PTPRS: variants seen among roughly 807,000 people sequenced by gnomAD.
The protein encoded by PTPRS is protein tyrosine phosphatase receptor type S, also known as receptor-type tyrosine-protein phosphatase S.
PTPRS carries 63 observed loss-of-function variants against 215.3 expected under a neutral mutation model. That is an observed-to-expected ratio of 0.29 (90% CI 0.24 to 0.36). PTPRS has a LOEUF of 0.36. PTPRS is among the 10% of genes least tolerant of loss of function. The pLI, the probability that PTPRS is intolerant of heterozygous loss-of-function variation, is 1.00. For synonymous variants in PTPRS, 1,404 were observed against 1,191.4 expected, an observed-to-expected ratio of 1.18 and a Z score of -3.68; for missense variants, 2,258 against 2,825.8, an observed-to-expected ratio of 0.80 and a Z score of 4.56.
intron 1 of PTPRS, among the ~76,000 whole-genome samples, chr19:5,308,544 G>A (rs888793598): frequency 2.0e-5 from 3 of 152,168 alleles, no homozygotes; most frequent in African/African-American, 4.8e-5. Flanking sequence ...GGCTGGTGGT[G>A]AGCATCGAGT....
rs2048973653 is a variant in PTPRS, at chr19:5,293,084, G to C, written c.-94-6850C>G. ...AGCCTGGAGGGGGCGCGACAAGAGA[G>C]ACAAAGCCCGGGGCGGCCCGGGCCT... On this transcript the variant is annotated intron_variant, in intron 1 of 37. Transcript: ENST00000262963. This position sits in a 1 kb window ranked among gnomAD's most constrained non-coding sequence, Gnocchi z 8.4. 6.6e-6 allele frequency: 1 copy of C among 151,892 alleles called. No individual in the cohort carries two copies. The highest frequency in any genetic ancestry group is 6.5e-5 in the Admixed American group (1 of 15,280). 9.4% of individuals were successfully genotyped at this position (151,892 alleles called of 1,614,324 possible).
At chr19:5,262,040 A>C (rs1374492847) in intron 6 of PTPRS, among the ~76,000 whole-genome samples, 1 of 152,176 alleles carries the variant, frequency 6.6e-6, no homozygotes, top group Non-Finnish European at 1.5e-5. Flanking sequence ...TGGGAAGCCG[A>C]GGCAGGTGGA....
At chr19:5,261,831 T>C (rs1420588156) in intron 6 of PTPRS, among the ~76,000 whole-genome samples, 2 of 152,152 alleles carry the variant, frequency 1.3e-5, no homozygotes, top group Non-Finnish European at 2.9e-5. Flanking sequence ...CGAGGTGTTC[T>C]CGTGAGGCCA....
At chr19:5,306,936 C>T (rs551482299) in intron 1 of PTPRS, among the ~76,000 whole-genome samples, 2 of 152,292 alleles carry the variant, frequency 1.3e-5, no homozygotes, top group East Asian at 1.9e-4. Context: ...TGAAATGACA[C>T]GTGGAGAAAG....
chr19:5,307,756 A>G (rs2049545777), intron 1 of PTPRS, among the ~76,000 whole-genome samples: 2 of 152,244 alleles, frequency 1.3e-5, no homozygotes, highest in South Asian at 4.1e-4. Context: ...CTCAATAGCC[A>G]CATTCGGCTC....
intron 4 of PTPRS, among the ~76,000 whole-genome samples, chr19:5,272,417 G>A (rs1318510353): frequency 6.6e-6 from 1 of 151,518 alleles, no homozygotes; most frequent in African/African-American, 2.4e-5. Flanking sequence ...GGCCAACATG[G>A]TGAAACCCTG....
chr19:5,285,965 G>T, intron 2 of PTPRS, 85 bp downstream of exon 2: 1 of 1,281,670 alleles, frequency 7.8e-7, no homozygotes, highest in South Asian at 1.4e-5. Context: ...GAGGAGGTGG[G>T]GAGTGTGCCC....
At position 5,244,726 on chromosome 19, in the gene PTPRS, G is replaced by T. The variant is rs963160734; in HGVS notation, c.989-244C>A. Among the ~76,000 whole-genome samples the T allele has an allele frequency of 5.3e-5, 8 of 152,126 alleles. No individual in the cohort carries two copies. Among genetic ancestry groups the T allele is most frequent in the African/African-American group, 1.9e-4 (8 of 41,424 alleles). Reference sequence around the variant, plus strand: ...ATGGAGTCTCACTCTGTCACCCACAGTGGCACGATCTCGGCTCACTGCAAG... The same window carrying T: ...ATGGAGTCTCACTCTGTCACCCACATTGGCACGATCTCGGCTCACTGCAAG... On this transcript the variant is annotated intron_variant, in intron 10 of 37. Transcript: ENST00000262963. The surrounding 1 kb of genome is among the most constrained non-coding windows in gnomAD (Gnocchi z 7.2).
chr19:5,307,429 A>G (rs1223717345), intron 1 of PTPRS, among the ~76,000 whole-genome samples: 1 of 152,228 alleles, frequency 6.6e-6, no homozygotes, highest in African/African-American at 2.4e-5. Context: ...TCTTAGTGTT[A>G]TGAGATCAGT....
rs2050626828 is a variant in PTPRS, at chr19:5,339,765, C to CGGA, written c.-95+898_-95+899insTCC. ...GGTATGACGTCACCTCCCCTCCCCC[C>CGGA]GCAGCCCCCGGGGGCTCCCGGGGCG... is the stretch of plus-strand genomic sequence containing the variant. On this transcript the variant is annotated intron_variant, in intron 1 of 37. Coordinates refer to ENST00000262963, the MANE Select transcript of PTPRS (RefSeq NM_002850.4). This position sits in a 1 kb window ranked among gnomAD's most constrained non-coding sequence, Gnocchi z 4.2. Among the ~76,000 whole-genome samples, 1 of 151,802 alleles carries CGGA rather than the reference C, an allele frequency of 6.6e-6. No individual in the cohort carries two copies. The highest frequency in any genetic ancestry group is 1.5e-5 in the Non-Finnish European group (1 of 67,858).
At chr19:5,321,905 G>A (rs568210865) in intron 1 of PTPRS, among the ~76,000 whole-genome samples, 3 of 150,854 alleles carry the variant, frequency 2.0e-5, no homozygotes, top group Admixed American at 1.3e-4. Flanking sequence ...TTTCCACATA[G>A]GTAAGCTGAG....
At position 5,220,376 on chromosome 19, in the gene PTPRS, C is replaced by CA. The variant is rs748552791; in HGVS notation, c.3456-24dup. On this transcript the variant is annotated intron_variant, in intron 20 of 37. Coordinates refer to ENST00000262963, the MANE Select transcript of PTPRS (RefSeq NM_002850.4). Reference sequence around the variant, plus strand: ...CTCCTGTAGGGAGATGGGAAAGAGTCAGAGGGGCTGTCGATAGGGATGACC... The same window carrying CA: ...CTCCTGTAGGGAGATGGGAAAGAGTCAAGAGGGGCTGTCGATAGGGATGACC... 4 of 1,595,074 alleles carry CA rather than the reference C, an allele frequency of 2.5e-6. 1 individual carries two copies. The South Asian group carries it at 3.3e-5, about 13-fold the overall frequency.
At position 5,293,227 on chromosome 19, in the gene PTPRS, AGCGCGGC is replaced by A. The variant is rs1338203374; in HGVS notation, c.-94-7000_-94-6994del. 2 of 149,588 alleles carry A rather than the reference AGCGCGGC, an allele frequency of 1.3e-5. No individual in the cohort carries two copies. Among genetic ancestry groups the A allele is most frequent in the African/African-American group, 4.9e-5 (2 of 40,438 alleles). 9.3% of individuals were successfully genotyped at this position (149,588 alleles called of 1,614,324 possible). ...TCCCCGCGTCCCTCGGTCCGCCCGG[AGCGCGGC>A]GCGCAGCGAAGACTCGGGAGAGGCC... On this transcript the variant is annotated intron_variant, in intron 1 of 37. Transcript: ENST00000262963. The surrounding 1 kb of genome is among the most constrained non-coding windows in gnomAD (Gnocchi z 8.4).
chr19:5,242,833 T>A (rs1232214069), intron 11 of PTPRS, among the ~76,000 whole-genome samples: 1 of 152,174 alleles, frequency 6.6e-6, no homozygotes, highest in Non-Finnish European at 1.5e-5. Context: ...TAGCTGGGAC[T>A]ACAGGTGTGC....
intron 20 of PTPRS, 65 bp from the exon 21 acceptor site, chr19:5,220,418 G>A: frequency 2.3e-6 from 3 of 1,314,280 alleles, no homozygotes; most frequent in Non-Finnish European, 3.2e-6. Flanking sequence ...TGCTTCATGG[G>A]GGCAAACGGG....
At position 5,222,805 on chromosome 19, in the gene PTPRS, G is replaced by C; in HGVS notation, c.2987C>G (p.Thr996Arg). 6.3e-7 allele frequency: 1 copy of C among 1,597,872 alleles called. No homozygotes were observed. Among genetic ancestry groups the C allele is most frequent in the Non-Finnish European group, 8.5e-7 (1 of 1,178,320 alleles). ...AAEPGAENAL[T>R]LQGLKPDTAY... Reference sequence around the variant, plus strand: ...CGTGTCGGGCTTCAGGCCCTGCAGCGTGAGCGCGTTCTCCGCGCCCGGCTC... The same window carrying C: ...CGTGTCGGGCTTCAGGCCCTGCAGCCTGAGCGCGTTCTCCGCGCCCGGCTC... Residue 996 changes from threonine to arginine, a missense_variant, in exon 18 of 38, where the codon ACG (threonine) becomes AGG (arginine). By Grantham distance (71) the Thr-to-Arg change is moderately conservative (BLOSUM62 -1). Around this residue, in one of 6 missense-constraint regions of PTPRS, gnomAD observed 361 missense variants for 332.6 expected, o/e 1.09. Coordinates refer to ENST00000262963, the MANE Select transcript of PTPRS (RefSeq NM_002850.4).
chr19:5,339,975 G>GA lies in PTPRS; in HGVS notation c.-95+688dup, dbSNP rs2050635666. Among the ~76,000 whole-genome samples the GA allele has an allele frequency of 6.6e-6, 1 of 151,384 alleles. No homozygotes were observed. The highest frequency in any genetic ancestry group is 1.5e-5 in the Non-Finnish European group (1 of 67,694). ...GCTGGAAGGGGGCGCCGAGGCCGCA[G>GA]AAGGGTGGGGCAATGCCCGAGTGCC... is the stretch of plus-strand genomic sequence containing the variant. On this transcript the variant is annotated intron_variant, in intron 1 of 37. Transcript: ENST00000262963. The surrounding 1 kb of genome is among the most constrained non-coding windows in gnomAD (Gnocchi z 4.2).
chr19:5,216,877 GCGGACAAC>G, intron 25 of PTPRS, 110 bp from the exon 26 acceptor site: 1 of 670,146 alleles, frequency 1.5e-6, no homozygotes, highest in Non-Finnish European at 2.6e-6. Context: ...GCAGAGCAAC[GCGGACAAC>G]GGGGGGTATG....
intron 4 of PTPRS, among the ~76,000 whole-genome samples, chr19:5,268,102 G>A (rs112762476): frequency 0.17 from 26,597 of 152,020 alleles, 2,534 homozygotes; most frequent in Admixed American, 0.25. Flanking sequence ...GCCGGGAGGC[G>A]GACTTTGCAG....
Sources: allele counts gnomAD v4.1 joint callset (sites outside exome capture counted in the v4.1 genomes callset), GRCh38; gene constraint gnomAD v4.1.1; regional missense constraint gnomAD v4.1.1; non-coding constraint Gnocchi (gnomAD v3.1); transcripts MANE v1.5; gene names NCBI Gene and HGNC (gene_info 2026-07-23, HGNC 2026-07-21).